The following ADAR variants were observed in gnomAD, a reference collection of about 807,000 sequenced individuals.
ADAR encodes the protein adenosine deaminase RNA specific, also known as double-stranded RNA-specific adenosine deaminase.
A neutral mutation model predicts 113.2 loss-of-function variants in ADAR; 41 were observed. The observed-to-expected ratio is 0.36, with a 90% CI of 0.28 to 0.47. ADAR has a LOEUF of 0.47. Among genes scored for constraint, ADAR ranks in the 20% least tolerant of loss-of-function variants. The pLI is 1.00. For synonymous variants in ADAR, 605 were observed against 572.6 expected, an observed-to-expected ratio of 1.06 and a Z score of -0.81; for missense variants, 1,242 against 1,540.9, an observed-to-expected ratio of 0.81 and a Z score of 3.25.
intron 1 of ADAR, among the ~76,000 whole-genome samples, chr1:154,624,425 G>C (rs961870916): frequency 6.6e-6 from 1 of 152,168 alleles, no homozygotes; most frequent in East Asian, 1.9e-4. Context: ...AGACCTCCTT[G>C]GGTGGAGGAA....
intron 1 of ADAR, among the ~76,000 whole-genome samples, chr1:154,605,686 ACGC>A (rs1557893374): frequency 6.6e-6 from 1 of 152,160 alleles, no homozygotes; most frequent in African/African-American, 2.4e-5. Flanking sequence ...CATGAACAAG[ACGC>A]CACTATGCAA....
At chr1:154,617,127 G>T (rs998727228) in intron 1 of ADAR, among the ~76,000 whole-genome samples, 1 of 152,182 alleles carries the variant, frequency 6.6e-6, no homozygotes, top group African/African-American at 2.4e-5. Context: ...CCCTGCAAGC[G>T]TCCTGTCCTG....
Position 154,596,828 on chromosome 1 carries a change from C to A in ADAR, c.2247G>T (p.Gln749His). 1 of 1,613,608 alleles carries A rather than the reference C, an allele frequency of 6.2e-7. No individual in the cohort carries two copies. The highest frequency in any genetic ancestry group is 8.5e-7 in the Non-Finnish European group (1 of 1,180,030). Reference sequence around the variant, plus strand: ...ACTTGGGCTCGTGAGGAGGTCCGGACTGGTCGACCAACTTGAATTCAGCAG... The same window carrying A: ...ACTTGGGCTCGTGAGGAGGTCCGGAATGGTCGACCAACTTGAATTCAGCAG... ...GFAAEFKLVD[Q>H]SGPPHEPKFV... Residue 749 changes from glutamine to histidine, a missense_variant, in exon 6 of 15, where the codon CAG becomes CAT. This residue lies in a region of ADAR where 780 missense variants were observed against 1,057.9 expected (regional missense o/e 0.74). Coordinates refer to ENST00000368474, the MANE Select transcript of ADAR (RefSeq NM_001111.5).
chr1:154,592,507 C>G (rs998368312), intron 6 of ADAR, among the ~76,000 whole-genome samples: 1 of 152,040 alleles, frequency 6.6e-6, no homozygotes, highest in African/African-American at 2.4e-5. Context: ...GAGACAGTGG[C>G]TTGGATTAGA....
At position 154,582,287 on chromosome 1, in the gene ADAR, G is replaced by A. The variant is rs1696454416; in HGVS notation, c.*2519C>T. 1 of 152,262 alleles carries A rather than the reference G, an allele frequency of 6.6e-6. No individual in the cohort carries two copies. Among genetic ancestry groups the A allele is most frequent in the Non-Finnish European group, 1.5e-5 (1 of 68,012 alleles). 9.4% of individuals were successfully genotyped at this position (152,262 alleles called of 1,614,324 possible). A position where few individuals can be genotyped will look rare whatever the true frequency, so the allele number is the denominator to read the frequency against. ...ATGTGAGTAAAGGAAACAGCTTCAA[G>A]CACTGACAATTTTTACAAGTGATTA... On this transcript the variant is annotated 3_prime_UTR_variant, in exon 15 of 15. Coordinates refer to ENST00000368474, the MANE Select transcript of ADAR (RefSeq NM_001111.5).
intron 7 of ADAR, 50 bp downstream of exon 7, chr1:154,590,134 T>TCGGGG: frequency 6.9e-7 from 1 of 1,447,050 alleles, no homozygotes; most frequent in Non-Finnish European, 9.6e-7. Flanking sequence ...ACTTAGGAGT[T>TCGGGG]AGGAGGACCC....
chr1:154,599,186 T>C (rs1333892186), intron 2 of ADAR, among the ~76,000 whole-genome samples: 2 of 152,208 alleles, frequency 1.3e-5, no homozygotes, highest in Non-Finnish European at 2.9e-5. Context: ...CCTTGTTATG[T>C]AGAAAATAAA....
At chr1:154,614,388 A>T (rs192412617) in intron 1 of ADAR, among the ~76,000 whole-genome samples, 86 of 152,248 alleles carry the variant, frequency 5.6e-4, no homozygotes, top group Middle Eastern at 3.4e-3. Flanking sequence ...AAAGGGGGAG[A>T]TCTCCCATCT....
chr1:154,598,295 C>A, intron 3 of ADAR, 107 bp downstream of exon 3: 1 of 1,277,350 alleles, frequency 7.8e-7, no homozygotes, highest in Non-Finnish European at 1.1e-6. Flanking sequence ...GGGAAGCTGA[C>A]TCCGAGATGG....
intron 4 of ADAR, among the ~76,000 whole-genome samples, chr1:154,597,510 T>C (rs1420437794): frequency 6.6e-6 from 1 of 152,224 alleles, no homozygotes; most frequent in Non-Finnish European, 1.5e-5. Flanking sequence ...CTCTTGAACA[T>C]GTGAGTCTAT....
chr1:154,615,916 G>A (rs1191434209), intron 1 of ADAR, among the ~76,000 whole-genome samples: 6 of 152,154 alleles, frequency 3.9e-5, no homozygotes, highest in Non-Finnish European at 7.4e-5. Flanking sequence ...GTAAGATTGT[G>A]TTTTGTGATT....
At chr1:154,589,505 C>T in intron 8 of ADAR, 43 bp from the exon 9 acceptor site, 1 of 1,541,438 alleles carries the variant, frequency 6.5e-7, no homozygotes, top group Non-Finnish European at 9.0e-7. Flanking sequence ...TGGAAGGAAA[C>T]CGATGGAAAA....
At chr1:154,598,651 G>A (rs780649311) in intron 2 of ADAR, 66 bp from the exon 3 acceptor site, 225 of 1,558,652 alleles carry the variant, frequency 1.4e-4, no homozygotes, top group Non-Finnish European at 2.0e-4. Flanking sequence ...TCTCCAAAGA[G>A]ACCTTCAACC....
intron 1 of ADAR, among the ~76,000 whole-genome samples, chr1:154,603,107 C>A (rs1697990589): frequency 6.6e-6 from 1 of 152,186 alleles, no homozygotes; most frequent in East Asian, 1.9e-4. Flanking sequence ...GAGATGACCT[C>A]TCCTTAAGTC....
At chr1:154,590,958 A>T (rs564315528) in intron 6 of ADAR, among the ~76,000 whole-genome samples, 138 of 152,240 alleles carry the variant, frequency 9.1e-4, no homozygotes, top group African/African-American at 3.1e-3. Context: ...CCATCTCTAA[A>T]ATAAACAAAC....
At chr1:154,592,855 G>C (rs1468778214) in intron 6 of ADAR, among the ~76,000 whole-genome samples, 1 of 151,984 alleles carries the variant, frequency 6.6e-6, no homozygotes, top group African/African-American at 2.4e-5. Context: ...TAAAGGTCAT[G>C]GCTGTCGCGG....
chr1:154,586,155 T>A, intron 12 of ADAR, 26 bp downstream of exon 12: 1 of 1,613,548 alleles, frequency 6.2e-7, no homozygotes, highest in Non-Finnish European at 8.5e-7. Flanking sequence ...ACAGACCAGT[T>A]CCAGATCCCA....
chr1:154,588,466 G>C, intron 10 of ADAR, 85 bp downstream of exon 10: 2 of 1,584,138 alleles, frequency 1.3e-6, no homozygotes, highest in South Asian at 2.2e-5. Context: ...TATCAGGTTC[G>C]ATTTACAGGC....
chr1:154,605,934 G>T, intron 1 of ADAR: 1 of 919,428 alleles, frequency 1.1e-6, no homozygotes, highest in Non-Finnish European at 1.3e-6. Context: ...CCCAAATCTG[G>T]AAAATATTTT....
Sources: allele counts gnomAD v4.1 joint callset (sites outside exome capture counted in the v4.1 genomes callset), GRCh38; gene constraint gnomAD v4.1.1; regional missense constraint gnomAD v4.1.1; transcripts MANE v1.5; gene names NCBI Gene and HGNC (gene_info 2026-07-23, HGNC 2026-07-21).